The following LMO7 variants were observed in gnomAD, a reference collection of about 807,000 sequenced individuals.
LMO7 encodes LIM domain only protein 7.
A neutral mutation model predicts 206.5 loss-of-function variants in LMO7; 120 were observed. That is an observed-to-expected ratio of 0.58 (90% CI 0.50 to 0.68). LMO7 has a LOEUF of 0.68. Ranked by LOEUF, LMO7 falls within the 30% of genes least tolerant of loss-of-function variation. LMO7 has a pLI of 0.00. For missense variants in LMO7, 1,959 were observed against 1,957.9 expected, an observed-to-expected ratio of 1.00 and a Z score of -0.01; for synonymous variants, 706 against 681.5, an observed-to-expected ratio of 1.04 and a Z score of -0.56.
At chr13:75,656,560 G>A (rs1214587296) in intron 1 of LMO7, among the ~76,000 whole-genome samples, 2 of 152,134 alleles carry the variant, frequency 1.3e-5, no homozygotes, top group Non-Finnish European at 2.9e-5. Context: ...GAATAAATGT[G>A]TGCCTATTTA....
At chr13:75,837,668 T>C (rs1219436235) in intron 19 of LMO7, among the ~76,000 whole-genome samples, 1 of 152,222 alleles carries the variant, frequency 6.6e-6, no homozygotes, top group African/African-American at 2.4e-5. Context: ...AGTATTTTGT[T>C]TTCTTTGATC....
chr13:75,849,234 C>A lies in LMO7; in HGVS notation c.4306C>A (p.Arg1436=), dbSNP rs1391756760. The A allele has an allele frequency of 6.2e-7, 1 of 1,613,950 alleles. No individual in the cohort carries two copies. Among genetic ancestry groups the A allele is most frequent in the Non-Finnish European group, 8.5e-7 (1 of 1,179,984 alleles). Residue 1436 remains arginine, a synonymous_variant, in exon 27 of 31, where the codon CGA becomes AGA. Coordinates refer to ENST00000377534, the MANE Select transcript of LMO7 (RefSeq NM_001306080.2). ...TPLHNDNSWI[R]QRSASVNKEP... is the part of the protein sequence containing the mutation. ...CCTTCACAATGACAACAGCTGGATC[C>A]GACAGCGCAGTGCCAGTGTCAACAA...
chr13:75,800,482 A>C (rs1019363776), intron 6 of LMO7, among the ~76,000 whole-genome samples: 3 of 152,204 alleles, frequency 2.0e-5, no homozygotes, highest in Non-Finnish European at 4.4e-5. Context: ...ATACCCCCTT[A>C]TTGTATCAGT....
chr13:75,663,707 G>C (rs113148034), intron 1 of LMO7, among the ~76,000 whole-genome samples: 1 of 152,106 alleles, frequency 6.6e-6, no homozygotes, highest in Non-Finnish European at 1.5e-5. Context: ...TGGGATTACA[G>C]GCGTGAGCCA....
At chr13:75,704,900 C>T (rs1594390864) in intron 1 of LMO7, among the ~76,000 whole-genome samples, 1 of 152,206 alleles carries the variant, frequency 6.6e-6, no homozygotes, top group Non-Finnish European at 1.5e-5. Flanking sequence ...AATGAATACA[C>T]CTCATAGCTA....
At chr13:75,713,299 TG>T in intron 2 of LMO7, 47 bp downstream of exon 2, 2 of 1,286,236 alleles carry the variant, frequency 1.6e-6, no homozygotes, top group Non-Finnish European at 2.1e-6. Flanking sequence ...CAAAGATATG[TG>T]TGTGTGTGAG....
chr13:75,823,942 C>A, intron 15 of LMO7, 69 bp downstream of exon 15: 1 of 1,310,042 alleles, frequency 7.6e-7, no homozygotes, highest in Non-Finnish European at 1.1e-6. Flanking sequence ...GAAACCATGT[C>A]TCAAATGTCA....
At position 75,795,819 on chromosome 13, in the gene LMO7, G is replaced by A. The variant is rs1445263148; in HGVS notation, c.348+388G>A. ...AACAACACACATTGGGGCCTGTCAGGTGATGGAGGGAAGGAGAGTCTTAGG... is the reference window on the plus strand; with the variant it reads ...AACAACACACATTGGGGCCTGTCAGATGATGGAGGGAAGGAGAGTCTTAGG... On this transcript the variant is annotated intron_variant, in intron 5 of 30. Transcript: ENST00000377534. Among the ~76,000 whole-genome samples, 6 of 152,234 alleles carry A rather than the reference G, an allele frequency of 3.9e-5. No homozygotes were observed. The East Asian group carries it at 1.2e-3, about 29-fold the overall frequency.
chr13:75,634,038 A>G (rs543018512), upstream of LMO7, among the ~76,000 whole-genome samples: 1 of 148,774 alleles, frequency 6.7e-6, no homozygotes, highest in East Asian at 2.0e-4. Flanking sequence ...ACAGGGTTTC[A>G]CCATGTTGTC....
intron 3 of LMO7, among the ~76,000 whole-genome samples, chr13:75,740,075 T>G (rs1319978421): frequency 8.5e-5 from 13 of 152,234 alleles, no homozygotes; most frequent in Admixed American, 8.5e-4. Flanking sequence ...GAGGCCGGAA[T>G]GAATTTTGTA....
intron 4 of LMO7, among the ~76,000 whole-genome samples, chr13:75,776,204 T>TATATAA (rs1440052148): frequency 6.6e-5 from 8 of 120,640 alleles, no homozygotes; most frequent in African/African-American, 2.4e-4. Context: ...TATATATATA[T>TATATAA]AACGTTAAGT....
At chr13:75,819,039 G>C (rs749800580) in intron 12 of LMO7, among the ~76,000 whole-genome samples, 1 of 152,212 alleles carries the variant, frequency 6.6e-6, no homozygotes, top group East Asian at 1.9e-4. Context: ...ATGTTTCGCA[G>C]AACAGCCAGG....
intron 4 of LMO7, among the ~76,000 whole-genome samples, chr13:75,766,689 A>G (rs1442574884): frequency 1.3e-5 from 2 of 152,118 alleles, no homozygotes; most frequent in African/African-American, 2.4e-5. Context: ...TGGAGATGAC[A>G]TAGGTTTCTC....
At chr13:75,812,711 T>C (rs1011599993) in intron 11 of LMO7, among the ~76,000 whole-genome samples, 1 of 152,176 alleles carries the variant, frequency 6.6e-6, no homozygotes, top group African/African-American at 2.4e-5. Context: ...GTTCCTCTTT[T>C]TCCTTCTAAA....
chr13:75,812,619 G>A (rs2056525939), intron 11 of LMO7, among the ~76,000 whole-genome samples: 1 of 152,124 alleles, frequency 6.6e-6, no homozygotes, highest in Non-Finnish European at 1.5e-5. Context: ...AGTGACAGGA[G>A]CATAGTAGGC....
At chr13:75,804,226 G>T in intron 7 of LMO7, 63 bp from the exon 8 acceptor site, 1 of 1,533,616 alleles carries the variant, frequency 6.5e-7, no homozygotes, top group East Asian at 2.3e-5. Context: ...CAGGCGCGCT[G>T]TGTGGGTTTC....
intron 1 of LMO7, among the ~76,000 whole-genome samples, chr13:75,698,059 A>G (rs958360453): frequency 6.6e-6 from 1 of 152,200 alleles, no homozygotes; most frequent in African/African-American, 2.4e-5. Context: ...TTGAGACCAT[A>G]CAATTAAAGT....
At chr13:75,730,917 G>T (rs930548715) in intron 3 of LMO7, among the ~76,000 whole-genome samples, 74 of 149,024 alleles carry the variant, frequency 5.0e-4, no homozygotes, top group Non-Finnish European at 8.1e-4. Context: ...AGGTTGTTCA[G>T]TTTCCATGTA....
At chr13:75,854,875 G>A (rs527327114) in intron 28 of LMO7, 1 of 158,058 alleles carries the variant, frequency 6.3e-6, no homozygotes, top group East Asian at 1.8e-4. Context: ...GGTGCTCTGA[G>A]GGGGTAGGAG....
Sources: allele counts gnomAD v4.1 joint callset (sites outside exome capture counted in the v4.1 genomes callset), GRCh38; gene constraint gnomAD v4.1.1; transcripts MANE v1.5; gene names NCBI Gene and HGNC (gene_info 2026-07-23, HGNC 2026-07-21).